GSPT1: variants seen among roughly 807,000 people sequenced by gnomAD.
The protein encoded by GSPT1 is G1 to S phase transition 1, also known as eukaryotic peptide chain release factor GTP-binding subunit ERF3A.
In GSPT1, 20 loss-of-function variants were observed where a neutral mutation model predicts 72.5. The observed-to-expected ratio is 0.28, with a 90% confidence interval of 0.19 to 0.40. The LOEUF is 0.40. GSPT1 is among the 10% of genes least tolerant of loss of function. GSPT1 has a pLI of 1.00. For missense variants in GSPT1, 580 were observed against 811.9 expected (o/e 0.71, Z 3.47); for synonymous variants, 334 against 293.5 (o/e 1.14, Z -1.41).
At chr16:11,905,015 C>T (rs192663346) in intron 1 of GSPT1, among the ~76,000 whole-genome samples, 51 of 152,304 alleles carry the variant, frequency 3.3e-4, no homozygotes, top group Non-Finnish European at 5.6e-4. Context: ...CTGCAGTGAG[C>T]GGTGATCACA....
intron 1 of GSPT1, among the ~76,000 whole-genome samples, chr16:11,907,281 C>A (rs866525679): frequency 6.6e-6 from 1 of 152,158 alleles, no homozygotes; most frequent in Non-Finnish European, 1.5e-5. Context: ...AAAGCACTAG[C>A]AGTCACTACT....
intron 11 of GSPT1, among the ~76,000 whole-genome samples, chr16:11,880,500 A>G (rs569576621): frequency 2.6e-5 from 4 of 152,318 alleles, no homozygotes; most frequent in Admixed American, 6.5e-5. Flanking sequence ...TCCAAAAAAA[A>G]GTTTTTAATT....
In GSPT1 at chr16:11,891,064, A is replaced by G. The variant is rs745840754; in HGVS notation, c.774T>C (p.Thr258=). Residue 258 remains threonine (T), a splice_region_variant and synonymous_variant, in exon 6 of 15, where the codon ACT becomes ACC. Coordinates refer to ENST00000434724, the MANE Select transcript of GSPT1 (RefSeq NM_002094.4). Reference sequence around the variant, plus strand: ...AGTGTCATAAAAGTTTACTATACCAAGTTTCTCTGTTTTTCTCTTTAGCTT... The same window carrying G: ...AGTGTCATAAAAGTTTACTATACCAGGTTTCTCTGTTTTTCTCTTTAGCTT... The part of the protein sequence containing the change: ...EREAKEKNRE[T]WYLSWALDTN... 3 of 1,423,488 alleles carry G rather than the reference A, an allele frequency of 2.1e-6. No individual in the cohort carries two copies. The highest frequency in any genetic ancestry group is 2.9e-6 in the Non-Finnish European group (3 of 1,038,858). 88.2% of individuals were successfully genotyped at this position (1,423,488 alleles called of 1,614,324 possible).
At chr16:11,876,366 A>C (rs33656) in intron 12 of GSPT1, among the ~76,000 whole-genome samples, 191 bp from the exon 13 acceptor site, 150,316 of 152,294 alleles carry the variant, frequency 0.99, 74,212 homozygotes, top group East Asian at 1. Flanking sequence ...GGCTGCTTGA[A>C]CTCAAAGCAT....
intron 1 of GSPT1, 131 bp downstream of exon 1, chr16:11,915,238 A>C: frequency 8.7e-7 from 1 of 1,146,852 alleles, no homozygotes; most frequent in East Asian, 4.2e-5. Context: ...CGCCCCACCC[A>C]GGCAGACGGC....
chr16:11,907,010 C>T (rs2054498622), intron 1 of GSPT1, among the ~76,000 whole-genome samples: 1 of 152,080 alleles, frequency 6.6e-6, no homozygotes, highest in Non-Finnish European at 1.5e-5. Flanking sequence ...ATGGTTTTGC[C>T]TTAATTACCT....
rs1567432553 is a variant in GSPT1 at position 11,873,159 on chromosome 16, G to C, written c.1874C>G (p.Ala625Gly). Residue 625 changes from alanine to glycine, a missense_variant, in exon 15 of 15, where the codon GCA becomes GGA. By Grantham distance (60) the Ala-to-Gly change is moderately conservative (BLOSUM62 0). Transcript: ENST00000434724. ...FTLRDEGKTI[A>G]IGKVLKLVPE... ...AACCAGTTTCAGAACTTTTCCAATTGCAATGGTCTTACCTAGAAATGAAAT... is the reference window on the plus strand; with the variant it reads ...AACCAGTTTCAGAACTTTTCCAATTCCAATGGTCTTACCTAGAAATGAAAT... The C allele has an allele frequency of 6.4e-7, 1 of 1,574,138 alleles. No individual in the cohort carries two copies.
At chr16:11,900,405 A>G (rs987864829) in intron 1 of GSPT1, among the ~76,000 whole-genome samples, 4 of 152,066 alleles carry the variant, frequency 2.6e-5, no homozygotes, top group Non-Finnish European at 4.4e-5. Flanking sequence ...GACAAGGATA[A>G]AAGTACTCAC....
At chr16:11,908,632 C>T (rs1406176354) in intron 1 of GSPT1, among the ~76,000 whole-genome samples, 1 of 104,994 alleles carries the variant, frequency 9.5e-6, no homozygotes, top group Non-Finnish European at 1.8e-5. Flanking sequence ...TAGTGGCGGG[C>T]GCCTGTAGTC....
intron 1 of GSPT1, among the ~76,000 whole-genome samples, chr16:11,907,780 T>C (rs2054507130): frequency 6.6e-6 from 1 of 152,224 alleles, no homozygotes. Context: ...GCTGTACAAC[T>C]GCTAGGGTCG....
rs1211816362 is a variant in GSPT1 at position 11,872,396 on chromosome 16, TAAATA to T, written c.*718_*722del. On this transcript the variant is annotated 3_prime_UTR_variant, in exon 15 of 15. Coordinates refer to ENST00000434724, the MANE Select transcript of GSPT1 (RefSeq NM_002094.4). ...TATAAATTGGCAAAAAAAAAAAAAATAAATAAATAACTAAAAGACCTAGTAAAGCA... is the reference window on the plus strand; with the variant it reads ...TATAAATTGGCAAAAAAAAAAAAAATAATAACTAAAAGACCTAGTAAAGCA... The T allele has an allele frequency of 7.0e-6, 1 of 143,498 alleles. No individual in the cohort carries two copies. Among genetic ancestry groups the T allele is most frequent in the Non-Finnish European group, 1.5e-5 (1 of 66,200 alleles). 8.9% of individuals were successfully genotyped at this position (143,498 alleles called of 1,614,324 possible).
chr16:11,906,565 T>C (rs967339843), intron 1 of GSPT1, among the ~76,000 whole-genome samples: 1 of 151,912 alleles, frequency 6.6e-6, no homozygotes. Flanking sequence ...GCCCAGGAGG[T>C]TGAGGCCACA....
chr16:11,888,059 G>A (rs943475668), intron 6 of GSPT1, among the ~76,000 whole-genome samples: 1 of 152,222 alleles, frequency 6.6e-6, no homozygotes, highest in Non-Finnish European at 1.5e-5. Context: ...GGAGACTGAG[G>A]CAGGAGAATC....
In GSPT1 at chr16:11,877,641, A is replaced by T. The variant is rs1452015440; in HGVS notation, c.1429-61T>A. 56 of 950,922 alleles carry T rather than the reference A, an allele frequency of 5.9e-5. No homozygotes were observed. The Middle Eastern group carries it at 6.6e-4, about 11-fold the overall frequency. The allele number at this position is 950,922 out of a possible 1,614,324, so 58.9% of individuals were successfully genotyped here. A position where few individuals can be genotyped will look rare whatever the true frequency, so the allele number is the denominator to read the frequency against. Reference sequence around the variant, plus strand: ...CATTCACTGCATTACGCAACATAAAATGATCTGAATGTCTGTCTGCTCAAT... The same window carrying T: ...CATTCACTGCATTACGCAACATAAATTGATCTGAATGTCTGTCTGCTCAAT... On this transcript the variant is annotated intron_variant, in intron 11 of 14. Coordinates refer to ENST00000434724, the MANE Select transcript of GSPT1 (RefSeq NM_002094.4). The surrounding 1 kb of genome is among the most constrained non-coding windows in gnomAD (Gnocchi z 4.0).
chr16:11,915,768 C>A lies in GSPT1; in HGVS notation c.-48G>T, dbSNP rs1274593553. On this transcript the variant is annotated 5_prime_UTR_variant, in exon 1 of 15. Transcript: ENST00000434724. The stretch of plus-strand genomic sequence containing the variant: ...GTGGACAGAGAGCGGGAAATGGAGG[C>A]AGGGGCGCCCGGCCGGAGAGGAGTG... 3 of 1,567,152 alleles carry A rather than the reference C, an allele frequency of 1.9e-6. No homozygotes were observed. Among genetic ancestry groups the A allele is most frequent in the East Asian group, 2.3e-5 (1 of 43,016 alleles).
intron 10 of GSPT1, among the ~76,000 whole-genome samples, chr16:11,884,454 G>A (rs906614474): frequency 6.6e-6 from 1 of 152,176 alleles, no homozygotes; most frequent in African/African-American, 2.4e-5. Flanking sequence ...AGACATCAAT[G>A]TTATGTTGTT....
rs2053984890 is a variant in GSPT1 at position 11,872,023 on chromosome 16, T to A, written c.*1096A>T. 6.6e-6 allele frequency: 1 copy of A among 152,236 alleles called. No individual in the cohort carries two copies. The highest frequency in any genetic ancestry group is 6.5e-5 in the Admixed American group (1 of 15,284). 9.4% of individuals were successfully genotyped at this position (152,236 alleles called of 1,614,324 possible). On this transcript the variant is annotated 3_prime_UTR_variant, in exon 15 of 15. Transcript: ENST00000434724. The stretch of plus-strand genomic sequence containing the variant: ...TTTAGTCTGTTCAGATTCTGATGAT[T>A]CTAAATATTTTCATTTAGTTGCTAG...
At chr16:11,898,173 C>G (rs2054363554) in intron 1 of GSPT1, 138 bp from the exon 2 acceptor site, 3 of 620,670 alleles carry the variant, frequency 4.8e-6, no homozygotes, top group Non-Finnish European at 8.6e-6. Flanking sequence ...TGGCAGCTAA[C>G]TCAGGCCTTC....
chr16:11,898,143 A>T (rs2141304306), intron 1 of GSPT1, 108 bp from the exon 2 acceptor site: 1 of 710,582 alleles, frequency 1.4e-6, no homozygotes, highest in Admixed American at 2.2e-5. Flanking sequence ...CACAAGCCTC[A>T]ATCAATAACC....
Sources: gnomAD v4.1 joint callset for allele counts (sites outside exome capture counted in the v4.1 genomes callset) on GRCh38, gnomAD v4.1.1 for gene constraint, Gnocchi (gnomAD v3.1) non-coding constraint, MANE v1.5 for transcripts, NCBI Gene and HGNC (gene_info 2026-07-23, HGNC 2026-07-21) for gene names.